ESYT2: variants seen among roughly 807,000 people sequenced by gnomAD.
ESYT2 encodes the protein extended synaptotagmin 2, also known as extended synaptotagmin-2.
In ESYT2, 54 loss-of-function variants were observed where a neutral mutation model predicts 107.2. The ratio of observed to expected loss-of-function variants is 0.50; its 90% CI spans 0.40 to 0.63. ESYT2 has a LOEUF of 0.63. Among genes scored for constraint, ESYT2 ranks in the 30% least tolerant of loss-of-function variants. The pLI is 0.00. For missense variants in ESYT2, 1,020 were observed against 1,094.5 expected (o/e 0.93, Z 0.96); for synonymous variants, 491 against 434.1 (o/e 1.13, Z -1.63).
chr7:158,795,250 T>C (rs1053527866), intron 3 of ESYT2, among the ~76,000 whole-genome samples: 3 of 152,230 alleles, frequency 2.0e-5, no homozygotes, highest in Non-Finnish European at 2.9e-5. Flanking sequence ...TTGTAAGACA[T>C]TGGTACAGTA....
chr7:158,782,639 TGA>T (rs1341849354), intron 6 of ESYT2, among the ~76,000 whole-genome samples: 1 of 50,580 alleles, frequency 2.0e-5, no homozygotes, highest in Non-Finnish European at 6.9e-5. Flanking sequence ...AGTGGGTATG[TGA>T]GAACAAAGAA....
At chr7:158,815,127 T>C (rs1437140357) in intron 1 of ESYT2, among the ~76,000 whole-genome samples, 1 of 152,208 alleles carries the variant, frequency 6.6e-6, no homozygotes, top group South Asian at 2.1e-4. Flanking sequence ...GCTAAGCACA[T>C]TCACCGTTTG....
chr7:158,738,327 ATACACACACACACACAGAC>A (rs1837046295), intron 19 of ESYT2, among the ~76,000 whole-genome samples: 1 of 105,430 alleles, frequency 9.5e-6, no homozygotes, highest in African/African-American at 3.7e-5. Flanking sequence ...AAAAAAAAAA[ATACACACACACACACAGAC>A]ACACACACAC....
chr7:158,781,369 AGT>A (rs1403396859), intron 6 of ESYT2, among the ~76,000 whole-genome samples: 3 of 151,886 alleles, frequency 2.0e-5, no homozygotes, highest in Non-Finnish European at 2.9e-5. Context: ...AACGAGAACA[AGT>A]GTGAGAGTGA....
intron 11 of ESYT2, among the ~76,000 whole-genome samples, chr7:158,760,995 C>G (rs1037916355): frequency 6.6e-6 from 1 of 152,238 alleles, no homozygotes; most frequent in African/African-American, 2.4e-5. Flanking sequence ...GAAGCCACCA[C>G]AAATGTTTCC....
chr7:158,739,346 C>A (rs1837103993), intron 18 of ESYT2, among the ~76,000 whole-genome samples: 1 of 152,076 alleles, frequency 6.6e-6, no homozygotes, highest in African/African-American at 2.4e-5. Flanking sequence ...GACATTATTT[C>A]TTTTGTTTTT....
In ESYT2 at chr7:158,819,500, A is replaced by G. The variant is rs1003256981; in HGVS notation, c.330+9589T>C. 1.3e-4 allele frequency among the ~76,000 whole-genome samples: 20 copies of G among 152,372 alleles called. 1 individual carries two copies. The Middle Eastern group carries it at 0.01, about 78-fold the overall frequency. ...AGATGATACTGCAATAGTCAAAGTC[A>G]TATTTCTGAAGAATAACATACTATC... On this transcript the variant is annotated intron_variant, in intron 1 of 22. Coordinates refer to ENST00000275418, the MANE Select transcript of ESYT2 (RefSeq NM_001367773.1).
At chr7:158,758,942 T>C (rs1837863634) in intron 13 of ESYT2, among the ~76,000 whole-genome samples, 2 of 152,162 alleles carry the variant, frequency 1.3e-5, no homozygotes, top group South Asian at 2.1e-4. Context: ...AGGCACAGAG[T>C]GTCTTGTATC....
intron 15 of ESYT2, among the ~76,000 whole-genome samples, chr7:158,748,592 T>C (rs1237292168): frequency 1.3e-5 from 2 of 152,170 alleles, no homozygotes; most frequent in Non-Finnish European, 2.9e-5. Context: ...GTAATGACTT[T>C]TGCACCAACG....
intron 1 of ESYT2, among the ~76,000 whole-genome samples, chr7:158,804,332 C>T (rs1343788601): frequency 1.2e-4 from 14 of 112,794 alleles, no homozygotes; most frequent in East Asian, 8.8e-4. Flanking sequence ...AAACCCAAAC[C>T]GCCGAGAAGG....
chr7:158,788,520 A>T, intron 4 of ESYT2, 103 bp from the exon 5 acceptor site: 2 of 1,005,646 alleles, frequency 2.0e-6, no homozygotes, highest in Non-Finnish European at 2.9e-6. Flanking sequence ...ATAGTAAAGC[A>T]ACCAAATCAG....
intron 1 of ESYT2, among the ~76,000 whole-genome samples, chr7:158,821,965 C>T (rs1400260631): frequency 6.6e-6 from 1 of 152,126 alleles, no homozygotes; most frequent in Non-Finnish European, 1.5e-5. Context: ...TTCTTCTGAG[C>T]CACCGTGACA....
chr7:158,799,788 C>A (rs972727607), intron 1 of ESYT2, among the ~76,000 whole-genome samples: 1 of 152,124 alleles, frequency 6.6e-6, no homozygotes, highest in Middle Eastern at 3.2e-3. Context: ...TCTTACAATT[C>A]TCCAGGTAGG....
intron 16 of ESYT2, chr7:158,744,252 G>T (rs989643547): frequency 6.6e-6 from 1 of 152,068 alleles, no homozygotes; most frequent in Non-Finnish European, 1.5e-5. Context: ...CTGCTATTTC[G>T]TCATTATAGA....
At chr7:158,822,483 C>T (rs1840313361) in intron 1 of ESYT2, among the ~76,000 whole-genome samples, 1 of 151,972 alleles carries the variant, frequency 6.6e-6, no homozygotes, top group African/African-American at 2.4e-5. Context: ...TATTAGAGGC[C>T]CGAGGTGGTG....
chr7:158,767,675 C>A lies in ESYT2; in HGVS notation c.903G>T (p.Gln301His). The A allele has an allele frequency of 6.2e-7, 1 of 1,612,458 alleles. No individual in the cohort carries two copies. The highest frequency in any genetic ancestry group is 8.5e-7 in the Non-Finnish European group (1 of 1,179,202). The change falls in exon 8 of 23, where the codon CAG becomes CAT. Residue 301 changes from glutamine to histidine, a missense_variant. Gln to His is a conservative substitution (Grantham distance 24, BLOSUM62 0). Transcript: ENST00000275418. ...VPLVSEVQIA[Q>H]LRFPVPKGVL... The stretch of plus-strand genomic sequence containing the variant: ...TTACCTTTGGTACAGGAAACCGCAA[C>A]TGAGCTATTTGAACTTCACTGACAA...
In ESYT2 at chr7:158,798,007, C is replaced by A; in HGVS notation, c.442G>T (p.Ala148Ser). Residue 148 changes from alanine to serine, a missense_variant, in exon 3 of 23, where the codon GCC (alanine) becomes TCC (serine). By Grantham distance (99) the Ala-to-Ser change is moderately conservative. Coordinates refer to ENST00000275418, the MANE Select transcript of ESYT2 (RefSeq NM_001367773.1). ...EKLFRETIEPAVRGANTHLST... is the reference protein window; with the variant it reads ...EKLFRETIEPSVRGANTHLST... ...AGGTGGGTGTTTGCTCCCCGCACGG[C>A]TGGTTCTATAGTTTCTCGAAACAAC... 6.2e-7 allele frequency: 1 copy of A among 1,614,158 alleles called. No individual in the cohort carries two copies. The highest frequency in any genetic ancestry group is 8.5e-7 in the Non-Finnish European group (1 of 1,180,012).
rs1837628860 is a variant in ESYT2 at position 158,752,905 on chromosome 7, T to C, written c.1420-62A>G. 2.7e-6 allele frequency: 3 copies of C among 1,124,568 alleles called. No individual in the cohort carries two copies. The South Asian group carries it at 3.9e-5, about 15-fold the overall frequency. The allele number at this position is 1,124,568 out of a possible 1,614,324, so 69.7% of individuals were successfully genotyped here. A position where few individuals can be genotyped will look rare whatever the true frequency, so the allele number is the denominator to read the frequency against. ...AATAAAACATGCAATGAAGTTTATG[T>C]AAGGTTAAAGACATGAAAATTTATG... is the stretch of plus-strand genomic sequence containing the variant. On this transcript the variant is annotated intron_variant, in intron 13 of 22. Coordinates refer to ENST00000275418, the MANE Select transcript of ESYT2 (RefSeq NM_001367773.1).
rs536893311 is a variant in ESYT2, at chr7:158,817,084, AAG to A, written c.330+12003_330+12004del. Reference sequence around the variant, plus strand: ...AATTGGGTACAAAGTATAAACCAAAAAGAAAATTCTAAGCTCCCAACTATCTG... The same window carrying A: ...AATTGGGTACAAAGTATAAACCAAAAAAAATTCTAAGCTCCCAACTATCTG... On this transcript the variant is annotated intron_variant, in intron 1 of 22. Transcript: ENST00000275418. 4.6e-5 allele frequency among the ~76,000 whole-genome samples: 7 copies of A among 152,238 alleles called. No individual in the cohort carries two copies. The South Asian group carries it at 1.2e-3, about 27-fold the overall frequency.
Sources: allele counts gnomAD v4.1 joint callset (sites outside exome capture counted in the v4.1 genomes callset), GRCh38; gene constraint gnomAD v4.1.1; transcripts MANE v1.5; gene names NCBI Gene and HGNC (gene_info 2026-07-23, HGNC 2026-07-21).